TMC1: variants seen among roughly 807,000 people sequenced by gnomAD.
TMC1 encodes transmembrane channel like 1, also known as transmembrane channel-like protein 1.
TMC1 carries 84 observed loss-of-function variants against 105.8 expected under a neutral mutation model. The observed-to-expected ratio is 0.79, with a 90% confidence interval of 0.67 to 0.95. TMC1 has a LOEUF of 0.95. Ranked by LOEUF, TMC1 falls within the 40% of genes least tolerant of loss-of-function variation. The pLI is 0.00. For missense variants in TMC1, 817 were observed against 914.1 expected, an observed-to-expected ratio of 0.89 and a Z score of 1.37; for synonymous variants, 315 against 311.5, an observed-to-expected ratio of 1.01 and a Z score of -0.12.
rs187798792 is a variant in TMC1 at position 72,793,206 on chromosome 9, C to A, written c.1566+854C>A. Among the ~76,000 whole-genome samples the A allele has an allele frequency of 6.2e-4, 94 of 152,234 alleles. 1 individual carries two copies. Among genetic ancestry groups the A allele is most frequent in the Non-Finnish European group, 8.5e-4 (58 of 68,000 alleles). On this transcript the variant is annotated intron_variant, in intron 17 of 23. Transcript: ENST00000297784. ...GGCTTCCTGTCAAAAGTAGCTATAC[C>A]TCTGGCAAAGCAGGAGGTTAGACCC...
At chr9:72,674,827 T>C (rs1452276083) in intron 5 of TMC1, among the ~76,000 whole-genome samples, 1 of 152,200 alleles carries the variant, frequency 6.6e-6, no homozygotes, top group Non-Finnish European at 1.5e-5. Flanking sequence ...TCTTTGTCCA[T>C]GGAATCCATT....
At chr9:72,586,775 C>T (rs145575605) in intron 2 of TMC1, among the ~76,000 whole-genome samples, 202 of 152,330 alleles carry the variant, frequency 1.3e-3, no homozygotes, top group African/African-American at 4.5e-3. Context: ...ACCTGCCCTA[C>T]TTTTCTACCT....
At chr9:72,640,608 T>C (rs1020788067) in intron 4 of TMC1, among the ~76,000 whole-genome samples, 5 of 151,744 alleles carry the variant, frequency 3.3e-5, no homozygotes, top group Non-Finnish European at 7.4e-5. Context: ...TGGTTTTTAC[T>C]TGGGATTTGT....
Position 72,811,310 on chromosome 9 carries a change from AG to A in TMC1, c.1696-4831del, listed in dbSNP as rs573668243. On this transcript the variant is annotated intron_variant, in intron 18 of 23. Coordinates refer to ENST00000297784, the MANE Select transcript of TMC1 (RefSeq NM_138691.3). ...ACAACAAACCTATGAAGATTAACTA[AG>A]GTGGAAAAATTACTGGCTTGGAGCA... is the stretch of plus-strand genomic sequence containing the variant. Among the ~76,000 whole-genome samples the A allele has an allele frequency of 3.4e-3, 521 of 152,302 alleles. 3 individuals are homozygous for A. Among genetic ancestry groups the A allele is most frequent in the African/African-American group, 0.012 (484 of 41,582 alleles).
At chr9:72,649,136 C>T (rs973251278) in intron 5 of TMC1, among the ~76,000 whole-genome samples, 4 of 152,140 alleles carry the variant, frequency 2.6e-5, no homozygotes, top group Non-Finnish European at 2.9e-5. Context: ...AGAAAGGAGA[C>T]ATCAAACCCT....
chr9:72,709,407 C>G (rs1164962941), intron 8 of TMC1, among the ~76,000 whole-genome samples: 1 of 152,048 alleles, frequency 6.6e-6, no homozygotes, highest in African/African-American at 2.4e-5. Context: ...CCCTCTTTCT[C>G]TTTCTTGTGG....
intron 5 of TMC1, among the ~76,000 whole-genome samples, chr9:72,678,519 G>A (rs1157457949): frequency 6.6e-6 from 1 of 152,020 alleles, no homozygotes; most frequent in African/African-American, 2.4e-5. Flanking sequence ...TTTCTCACCA[G>A]TAAAGCAGTG....
Position 72,792,076 on chromosome 9 carries a change from T to C in TMC1, c.1404+11T>C. 1 of 1,614,090 alleles carries C rather than the reference T, an allele frequency of 6.2e-7. No individual in the cohort carries two copies. The highest frequency in any genetic ancestry group is 8.5e-7 in the Non-Finnish European group (1 of 1,179,990). On this transcript the variant is annotated intron_variant, in intron 16 of 23. Coordinates refer to ENST00000297784, the MANE Select transcript of TMC1 (RefSeq NM_138691.3). Reference sequence around the variant, plus strand: ...GAGATTAACAACAAGGTAAGCCTTGTTTCTGGATTGTCCTTGCCATAAGAG... The same window carrying C: ...GAGATTAACAACAAGGTAAGCCTTGCTTCTGGATTGTCCTTGCCATAAGAG...
chr9:72,775,403 C>A, intron 13 of TMC1, among the ~76,000 whole-genome samples: 1 of 152,076 alleles, frequency 6.6e-6, no homozygotes, highest in Admixed American at 6.5e-5. Context: ...AAACCATCAG[C>A]TCATTTAAAT....
chr9:72,673,246 G>A (rs1439107405), intron 5 of TMC1, among the ~76,000 whole-genome samples: 1 of 152,106 alleles, frequency 6.6e-6, no homozygotes, highest in Non-Finnish European at 1.5e-5. Flanking sequence ...ACCTATATTA[G>A]AAAAGAAGAT....
intron 1 of TMC1, among the ~76,000 whole-genome samples, chr9:72,530,822 A>ATT (rs35627708): frequency 0.099 from 13,220 of 133,674 alleles, 1,066 homozygotes; most frequent in East Asian, 0.37. Flanking sequence ...TTCTGCCATG[A>ATT]TTTTTTTTTT....
In TMC1 at chr9:72,584,750, C is replaced by T. The variant is rs189478329; in HGVS notation, c.-306+6727C>T. Among the ~76,000 whole-genome samples, 77 of 149,432 alleles carry T rather than the reference C, an allele frequency of 5.2e-4. No individual in the cohort carries two copies. The Middle Eastern group carries it at 0.011, about 21-fold the overall frequency. The stretch of plus-strand genomic sequence containing the variant: ...ATGATCCTTCTCGAATGCCTTACAA[C>T]GTAAAAATGTAGTTCTCCTTTTTCT... On this transcript the variant is annotated intron_variant, in intron 2 of 23. Transcript: ENST00000297784.
Position 72,759,170 on chromosome 9 carries a change from G to A in TMC1, c.741+4286G>A, listed in dbSNP as rs114385288. On this transcript the variant is annotated intron_variant, in intron 12 of 23. Transcript: ENST00000297784. Reference sequence around the variant, plus strand: ...GAGGAAGGGCGCTGCATGGCCCCAAGAGGTGTGATGAGATTGGTTTTGAGT... The same window carrying A: ...GAGGAAGGGCGCTGCATGGCCCCAAAAGGTGTGATGAGATTGGTTTTGAGT... 2.4e-3 allele frequency among the ~76,000 whole-genome samples: 360 copies of A among 152,244 alleles called. 2 individuals carry two copies. The highest frequency in any genetic ancestry group is 8.0e-3 in the African/African-American group (332 of 41,540).
At chr9:72,766,118 A>G (rs758437031) in intron 12 of TMC1, among the ~76,000 whole-genome samples, 31 of 152,176 alleles carry the variant, frequency 2.0e-4, no homozygotes, top group South Asian at 8.3e-4. Flanking sequence ...TTATGTGTGT[A>G]AAGTATTAGC....
At chr9:72,535,048 GA>G (rs1823555902) in intron 1 of TMC1, among the ~76,000 whole-genome samples, 1 of 119,562 alleles carries the variant, frequency 8.4e-6, no homozygotes, top group East Asian at 2.8e-4. Flanking sequence ...ATCTCTTAGA[GA>G]GAGAGAAAAA....
chr9:72,757,455 A>C (rs2118076757), intron 12 of TMC1, among the ~76,000 whole-genome samples: 1 of 152,360 alleles, frequency 6.6e-6, no homozygotes, highest in South Asian at 2.1e-4. Context: ...GTACAGGCTG[A>C]GTATTCCTTA....
At chr9:72,721,857 C>T (rs776811918) in intron 8 of TMC1, among the ~76,000 whole-genome samples, 9 of 152,180 alleles carry the variant, frequency 5.9e-5, no homozygotes, top group Non-Finnish European at 7.3e-5. Flanking sequence ...TGTTCATGCA[C>T]TATAGTCATG....
chr9:72,730,333 G>T (rs2117980288), intron 8 of TMC1, among the ~76,000 whole-genome samples: 1 of 152,218 alleles, frequency 6.6e-6, no homozygotes, highest in African/African-American at 2.4e-5. Flanking sequence ...AGGGGTGAGA[G>T]GTAGGAGAGC....
chr9:72,548,706 C>T (rs949610113), intron 1 of TMC1, among the ~76,000 whole-genome samples: 3 of 151,986 alleles, frequency 2.0e-5, no homozygotes, highest in East Asian at 1.9e-4. Context: ...GCAGACTTGT[C>T]GTGCTGCAGT....
Sources: allele counts gnomAD v4.1 joint callset (sites outside exome capture counted in the v4.1 genomes callset), GRCh38; gene constraint gnomAD v4.1.1; transcripts MANE v1.5; gene names NCBI Gene and HGNC (gene_info 2026-07-23, HGNC 2026-07-21).